Variants in MANBA observed in about 807,000 individuals in gnomAD.
MANBA encodes the protein mannosidase beta.
In MANBA, 83 loss-of-function variants were observed where a neutral mutation model predicts 111.1. The observed-to-expected ratio is 0.75, with a 90% confidence interval of 0.63 to 0.90. MANBA has a LOEUF of 0.90. Ranked by LOEUF, MANBA falls within the 40% of genes least tolerant of loss-of-function variation. The pLI, the probability that MANBA is intolerant of heterozygous loss-of-function variation, is 0.00. For synonymous variants in MANBA, 370 were observed against 378.7 expected, an observed-to-expected ratio of 0.98 and a Z score of 0.27; for missense variants, 1,036 against 1,069.0, an observed-to-expected ratio of 0.97 and a Z score of 0.43.
rs183627696 is a variant in MANBA at position 102,720,043 on chromosome 4, T to C, written c.549+2828A>G. On this transcript the variant is annotated intron_variant, in intron 4 of 16. Transcript: ENST00000647097. ...ATAGAGGGTGGAGCAAAATAGCATATGGATATATGTATAACATTTATATTA... is the reference window on the plus strand; with the variant it reads ...ATAGAGGGTGGAGCAAAATAGCATACGGATATATGTATAACATTTATATTA... Among the ~76,000 whole-genome samples the C allele has an allele frequency of 9.8e-4, 149 of 152,384 alleles. 1 individual carries two copies. The highest frequency in any genetic ancestry group is 3.5e-3 in the African/African-American group (146 of 41,594).
At chr4:102,696,677 G>A (rs1732723385) in intron 5 of MANBA, among the ~76,000 whole-genome samples, 1 of 152,106 alleles carries the variant, frequency 6.6e-6, no homozygotes. Context: ...TCTCACTGGG[G>A]GGAAAACCTA....
chr4:102,632,244 T>TCAAAA lies in MANBA; in HGVS notation c.2448_2452dup (p.Asp818ValfsTer17). 6.2e-7 allele frequency: 1 copy of TCAAAA among 1,612,998 alleles called. No homozygotes were observed. Among genetic ancestry groups the TCAAAA allele is most frequent in the South Asian group, 1.1e-5 (1 of 91,040 alleles). ...GGGAGCGACAGCTGAGGTCTCCAGGTCAAAAACAAATATGTCACCTTGCTG... is the reference window on the plus strand; with the variant it reads ...GGGAGCGACAGCTGAGGTCTCCAGGTCAAAACAAAAACAAATATGTCACCTTGCTG... On this transcript the variant is annotated frameshift_variant, in exon 17 of 17. Transcript: ENST00000647097. LOFTEE classifies it high-confidence loss of function.
intron 5 of MANBA, among the ~76,000 whole-genome samples, chr4:102,711,695 T>C (rs538711802): frequency 2.6e-5 from 4 of 152,158 alleles, no homozygotes; most frequent in Non-Finnish European, 5.9e-5. Flanking sequence ...AGCAAAGATA[T>C]AGAATCAACC....
At chr4:102,664,308 C>G (rs1731104593) in intron 11 of MANBA, among the ~76,000 whole-genome samples, 1 of 152,072 alleles carries the variant, frequency 6.6e-6, no homozygotes, top group African/African-American at 2.4e-5. Context: ...GGGCATAAAA[C>G]ATACTATACC....
chr4:102,730,525 T>C lies in MANBA; in HGVS notation c.178-3842A>G, dbSNP rs1203258394. The C allele has an allele frequency of 9.4e-6, 5 of 531,194 alleles. No individual in the cohort carries two copies. In the Admixed American group the frequency reaches 9.6e-5, roughly 10 times the overall value. The allele number at this position is 531,194 out of a possible 1,614,324, so 32.9% of individuals were successfully genotyped here. On this transcript the variant is annotated intron_variant, in intron 1 of 16. Coordinates refer to ENST00000647097, the MANE Select transcript of MANBA (RefSeq NM_005908.4). ...CAGTAACAACATTGATTCTACATCT[T>C]ATAGATTTTTCTATGAGAAATAAGG... is the stretch of plus-strand genomic sequence containing the variant.
At chr4:102,683,112 C>T (rs939927263) in intron 7 of MANBA, among the ~76,000 whole-genome samples, 1 of 150,646 alleles carries the variant, frequency 6.6e-6, no homozygotes, top group Non-Finnish European at 1.5e-5. Flanking sequence ...GTTTTTTGCC[C>T]TGTGCAATTT....
intron 1 of MANBA, among the ~76,000 whole-genome samples, chr4:102,758,809 C>A (rs963998903): frequency 5.9e-5 from 9 of 152,126 alleles, no homozygotes; most frequent in African/African-American, 1.7e-4. Flanking sequence ...TAGGCATGAG[C>A]CACTGTGCCC....
rs533829518 is a variant in MANBA at position 102,754,649 on chromosome 4, C to T, written c.177+6069G>A. 3.1e-3 allele frequency among the ~76,000 whole-genome samples: 464 copies of T among 152,014 alleles called. 3 individuals carry two copies. The highest frequency in any genetic ancestry group is 1.0e-2 in the African/African-American group (413 of 41,450). On this transcript the variant is annotated intron_variant, in intron 1 of 16. Transcript: ENST00000647097. ...TTGGCTCATTGCAAGCTCCACCTCC[C>T]GGGTTCATGCCATTCTTCTGCCTCA...
intron 12 of MANBA, among the ~76,000 whole-genome samples, chr4:102,652,886 C>T (rs937712604): frequency 2.6e-5 from 4 of 152,062 alleles, no homozygotes; most frequent in Middle Eastern, 3.2e-3. Context: ...CACAGCTAGA[C>T]CCTCTCTCAA....
chr4:102,675,588 C>G (rs1731691125), intron 7 of MANBA, among the ~76,000 whole-genome samples: 1 of 152,244 alleles, frequency 6.6e-6, no homozygotes, highest in South Asian at 2.1e-4. Context: ...GGAGTAGGTA[C>G]TACTTATTCC....
At chr4:102,728,849 C>A in intron 1 of MANBA, 3 of 860,272 alleles carry the variant, frequency 3.5e-6, no homozygotes, top group Non-Finnish European at 5.7e-6. Flanking sequence ...GCTGAAGGAG[C>A]TGGAGCCCAC....
At chr4:102,736,810 G>C (rs1273170710) in intron 1 of MANBA, among the ~76,000 whole-genome samples, 1 of 152,086 alleles carries the variant, frequency 6.6e-6, no homozygotes, top group Admixed American at 6.5e-5. Flanking sequence ...GAACATACCG[G>C]GAAAACCAAA....
At chr4:102,687,070 T>C (rs1732249667) in intron 7 of MANBA, among the ~76,000 whole-genome samples, 4 of 152,240 alleles carry the variant, frequency 2.6e-5, no homozygotes, top group South Asian at 4.1e-4. Flanking sequence ...TTCTGAGTAA[T>C]GTAACTCAAT....
intron 1 of MANBA, among the ~76,000 whole-genome samples, chr4:102,740,009 G>T (rs1172417832): frequency 6.6e-6 from 1 of 152,180 alleles, no homozygotes; most frequent in Non-Finnish European, 1.5e-5. Flanking sequence ...AACCGTTGCT[G>T]TTCACTGATG....
rs1722951454 is a variant in MANBA at position 102,729,555 on chromosome 4, G to C, written c.178-2872C>G. On this transcript the variant is annotated intron_variant, in intron 1 of 16. Coordinates refer to ENST00000647097, the MANE Select transcript of MANBA (RefSeq NM_005908.4). ...CCAGGTGAGACTCCAGCTCTACCTTGTTCATGTAACCTTCATCCACATCCT... is the reference window on the plus strand; with the variant it reads ...CCAGGTGAGACTCCAGCTCTACCTTCTTCATGTAACCTTCATCCACATCCT... 3.5e-6 allele frequency: 3 copies of C among 869,370 alleles called. No homozygotes were observed. In the Admixed American group the frequency reaches 5.1e-5, roughly 15 times the overall value. The allele number at this position is 869,370 out of a possible 1,614,324, so 53.9% of individuals were successfully genotyped here. A position where few individuals can be genotyped will look rare whatever the true frequency, so the allele number is the denominator to read the frequency against.
chr4:102,648,350 C>T lies in MANBA; in HGVS notation c.1869+2187G>A, dbSNP rs534284478. On this transcript the variant is annotated intron_variant, in intron 13 of 16. Coordinates refer to ENST00000647097, the MANE Select transcript of MANBA (RefSeq NM_005908.4). Reference sequence around the variant, plus strand: ...AATGTCCAGCAACAGATGAACCTGACGAATGGATAAGCAAAATGTGTATAA... The same window carrying T: ...AATGTCCAGCAACAGATGAACCTGATGAATGGATAAGCAAAATGTGTATAA... Among the ~76,000 whole-genome samples the T allele has an allele frequency of 3.0e-4, 46 of 152,016 alleles. No individual in the cohort carries two copies. In the South Asian group the frequency reaches 5.0e-3, roughly 16 times the overall value.
At chr4:102,684,122 AT>A (rs1732103447) in intron 7 of MANBA, among the ~76,000 whole-genome samples, 1 of 152,064 alleles carries the variant, frequency 6.6e-6, no homozygotes, top group Non-Finnish European at 1.5e-5. Context: ...AAAAAAAAAA[AT>A]CCTAAACACG....
intron 8 of MANBA, among the ~76,000 whole-genome samples, 157 bp from the exon 9 acceptor site, chr4:102,671,555 ATTAAC>A: frequency 6.6e-6 from 1 of 152,266 alleles, no homozygotes; most frequent in Non-Finnish European, 1.5e-5. Flanking sequence ...TTATATACAC[ATTAAC>A]TATAACCACA....
intron 14 of MANBA, among the ~76,000 whole-genome samples, chr4:102,639,153 C>G (rs1448889047): frequency 6.6e-6 from 1 of 152,192 alleles, no homozygotes; most frequent in South Asian, 2.1e-4. Context: ...CAACTGGTCA[C>G]CTTTCCCATT....
Sources: gnomAD v4.1 joint callset for allele counts (sites outside exome capture counted in the v4.1 genomes callset) on GRCh38, gnomAD v4.1.1 for gene constraint, MANE v1.5 for transcripts, NCBI Gene and HGNC (gene_info 2026-07-23, HGNC 2026-07-21) for gene names.